The following CDH12 variants were observed in gnomAD, a reference collection of about 807,000 sequenced individuals.
CDH12 encodes cadherin 12.
A neutral mutation model predicts 74.1 loss-of-function variants in CDH12; 41 were observed. The ratio of observed to expected loss-of-function variants is 0.55; its 90% CI spans 0.43 to 0.72. The LOEUF is 0.72. Among genes scored for constraint, CDH12 ranks in the 30% least tolerant of loss-of-function variants. The pLI is 0.00. For missense variants in CDH12, 945 were observed against 977.2 expected (o/e 0.97, Z 0.44); for synonymous variants, 399 against 355.0 (o/e 1.12, Z -1.39).
At chr5:21,824,892 G>A (rs941733865) in intron 8 of CDH12, among the ~76,000 whole-genome samples, 1 of 152,114 alleles carries the variant, frequency 6.6e-6, no homozygotes, top group African/African-American at 2.4e-5. Context: ...AGTGGCTCAA[G>A]TCTGTAATCC....
intron 1 of CDH12, among the ~76,000 whole-genome samples, chr5:22,806,067 G>A (rs1348219174): frequency 1.3e-5 from 2 of 152,172 alleles, no homozygotes; most frequent in Middle Eastern, 3.4e-3. Context: ...ATTGATGAGC[G>A]TTTGAGTTGG....
intron 1 of CDH12, among the ~76,000 whole-genome samples, chr5:22,740,786 T>A (rs2127017550): frequency 6.6e-6 from 1 of 152,206 alleles, no homozygotes; most frequent in South Asian, 2.1e-4. Flanking sequence ...CAAGAATACT[T>A]GTATACTACC....
intron 3 of CDH12, among the ~76,000 whole-genome samples, chr5:22,262,000 C>T (rs1045552966): frequency 1.2e-4 from 18 of 151,968 alleles, no homozygotes; most frequent in South Asian, 8.3e-4. Flanking sequence ...TTAAAAAATA[C>T]GATACAAATC....
intron 1 of CDH12, among the ~76,000 whole-genome samples, chr5:22,747,202 A>ATGTT (rs1173484291): frequency 6.6e-6 from 1 of 152,172 alleles, no homozygotes; most frequent in African/African-American, 2.4e-5. Flanking sequence ...CACTTATTAT[A>ATGTT]TGTTTATTTT....
intron 10 of CDH12, among the ~76,000 whole-genome samples, chr5:21,783,813 T>C (rs769776216): frequency 4.6e-5 from 7 of 152,030 alleles, no homozygotes; most frequent in Non-Finnish European, 8.8e-5. Context: ...TTTCAAGCAG[T>C]AAAAAATTCC....
intron 5 of CDH12, among the ~76,000 whole-genome samples, chr5:21,978,401 C>T (rs1757159541): frequency 6.6e-6 from 1 of 152,174 alleles, no homozygotes; most frequent in African/African-American, 2.4e-5. Context: ...CCTCAGCCTC[C>T]CAAAGGGCTG....
chr5:22,081,216 A>T (rs1303916094), intron 4 of CDH12, among the ~76,000 whole-genome samples: 1 of 152,224 alleles, frequency 6.6e-6, no homozygotes, highest in African/African-American at 2.4e-5. Flanking sequence ...TTTCTATTTA[A>T]GCAATTTATT....
intron 1 of CDH12, among the ~76,000 whole-genome samples, chr5:22,572,417 A>G (rs746641566): frequency 1.3e-5 from 2 of 152,166 alleles, no homozygotes; most frequent in Non-Finnish European, 2.9e-5. Flanking sequence ...CTTAAATGCA[A>G]TGAAATTACT....
intron 6 of CDH12, among the ~76,000 whole-genome samples, chr5:21,912,286 A>C (rs552150601): frequency 6.6e-6 from 1 of 152,222 alleles, no homozygotes; most frequent in East Asian, 1.9e-4. Flanking sequence ...CAGAATGGAA[A>C]TGGACTGGAA....
chr5:22,510,933 C>T (rs1269115227), intron 1 of CDH12, among the ~76,000 whole-genome samples: 5 of 149,998 alleles, frequency 3.3e-5, no homozygotes, highest in Non-Finnish European at 7.4e-5. Context: ...TTGCTCTTGT[C>T]GCCTAGACTG....
intron 9 of CDH12, among the ~76,000 whole-genome samples, chr5:21,814,885 G>A (rs1328517958): frequency 6.6e-6 from 1 of 151,688 alleles, no homozygotes; most frequent in Non-Finnish European, 1.5e-5. Flanking sequence ...AATTAAGTGA[G>A]AAGACTTTAC....
At chr5:22,206,032 T>C (rs1369723696) in intron 4 of CDH12, among the ~76,000 whole-genome samples, 1 of 152,096 alleles carries the variant, frequency 6.6e-6, no homozygotes, top group Non-Finnish European at 1.5e-5. Context: ...TTTGACCTGG[T>C]TCAGAATTTT....
intron 1 of CDH12, among the ~76,000 whole-genome samples, chr5:22,586,384 T>A (rs967965382): frequency 6.6e-6 from 1 of 151,948 alleles, no homozygotes; most frequent in Non-Finnish European, 1.5e-5. Flanking sequence ...ACATACCTAA[T>A]GTAAATGATG....
intron 2 of CDH12, among the ~76,000 whole-genome samples, chr5:22,436,747 C>T (rs942359021): frequency 6.6e-6 from 1 of 151,992 alleles, no homozygotes; most frequent in Non-Finnish European, 1.5e-5. Context: ...TGTTGTTGTT[C>T]TAGCAAAATA....
At chr5:22,643,189 T>C (rs1739240350) in intron 1 of CDH12, among the ~76,000 whole-genome samples, 1 of 152,176 alleles carries the variant, frequency 6.6e-6, no homozygotes, top group South Asian at 2.1e-4. Context: ...ATCTAGCATT[T>C]AATGGGAACT....
At chr5:22,456,244 A>ATGTGTGTGTG (rs58290508) in intron 2 of CDH12, among the ~76,000 whole-genome samples, 2 of 147,384 alleles carry the variant, frequency 1.4e-5, no homozygotes, top group South Asian at 2.2e-4. Flanking sequence ...GTCTATATAT[A>ATGTGTGTGTG]TGTGTGTGTG....
chr5:22,775,962 C>A (rs1438092155), intron 1 of CDH12, among the ~76,000 whole-genome samples: 1 of 151,982 alleles, frequency 6.6e-6, no homozygotes, highest in Non-Finnish European at 1.5e-5. Context: ...CCACTTTTGC[C>A]TCTTCCTCAT....
At chr5:22,631,810 C>T (rs1281657872) in intron 1 of CDH12, among the ~76,000 whole-genome samples, 2 of 152,088 alleles carry the variant, frequency 1.3e-5, no homozygotes, top group Non-Finnish European at 2.9e-5. Flanking sequence ...ATGACTGGAG[C>T]AGGACAAAGA....
chr5:21,928,408 C>T (rs1754688795), intron 6 of CDH12, among the ~76,000 whole-genome samples: 1 of 152,186 alleles, frequency 6.6e-6, no homozygotes, highest in Admixed American at 6.5e-5. Context: ...TGTTGTCATG[C>T]AAGACTCCAG....
Sources: allele counts gnomAD v4.1 joint callset (sites outside exome capture counted in the v4.1 genomes callset), GRCh38; gene constraint gnomAD v4.1.1; transcripts MANE v1.5; gene names NCBI Gene and HGNC (gene_info 2026-07-23, HGNC 2026-07-21).